Variants in MACROD2 observed in about 807,000 individuals in gnomAD.
The protein encoded by MACROD2 is mono-ADP ribosylhydrolase 2, also known as ADP-ribose glycohydrolase MACROD2.
A neutral mutation model predicts 70.4 loss-of-function variants in MACROD2; 36 were observed. That is an observed-to-expected ratio of 0.51 (90% confidence interval 0.39 to 0.68). The LOEUF is 0.68. Among genes scored for constraint, MACROD2 ranks in the 30% least tolerant of loss-of-function variants. The pLI, the probability that MACROD2 is intolerant of heterozygous loss-of-function variation, is 0.00. For synonymous variants in MACROD2, 172 were observed against 178.8 expected (o/e 0.96, Z 0.30); for missense variants, 496 against 538.4 (o/e 0.92, Z 0.78).
At chr20:14,043,503 T>C (rs150821258) in intron 2 of MACROD2, among the ~76,000 whole-genome samples, 6 of 152,348 alleles carry the variant, frequency 3.9e-5, no homozygotes, top group African/African-American at 1.2e-4. Flanking sequence ...GTCCTATTGC[T>C]ACTTTTATGG....
At chr20:14,382,654 G>T (rs921736154) in intron 3 of MACROD2, among the ~76,000 whole-genome samples, 3 of 149,190 alleles carry the variant, frequency 2.0e-5, no homozygotes, top group African/African-American at 7.3e-5. Context: ...GGCAAGAAGA[G>T]CAAAACTCCG....
At chr20:16,044,745 G>GCT in intron 17 of MACROD2, 106 bp downstream of exon 17, 2 of 978,582 alleles carry the variant, frequency 2.0e-6, no homozygotes, top group Non-Finnish European at 3.2e-6. Flanking sequence ...CCCACAGCAT[G>GCT]GCTTGGGATA....
chr20:15,051,607 C>G (rs442294), intron 5 of MACROD2, among the ~76,000 whole-genome samples: 27,929 of 151,972 alleles, frequency 0.18, 2,719 homozygotes, highest in African/African-American at 0.21. Flanking sequence ...CAAGTATAAT[C>G]TCCTCCACTT....
intron 6 of MACROD2, among the ~76,000 whole-genome samples, chr20:15,424,451 C>T (rs1227354011): frequency 2.6e-5 from 4 of 152,184 alleles, no homozygotes; most frequent in Admixed American, 6.5e-5. Flanking sequence ...AGCACAGTGG[C>T]TCATGCCTGG....
At chr20:16,041,344 A>C (rs918066579) in intron 16 of MACROD2, 66 bp downstream of exon 16, 7 of 1,290,738 alleles carry the variant, frequency 5.4e-6, no homozygotes, top group Non-Finnish European at 7.7e-6. Flanking sequence ...TGTGTAATCT[A>C]GGATTAAGGG....
At chr20:15,084,069 T>TTG (rs2075726934) in intron 5 of MACROD2, among the ~76,000 whole-genome samples, 2 of 77,366 alleles carry the variant, frequency 2.6e-5, no homozygotes, top group Admixed American at 1.6e-4. Context: ...GTTTTTTTTT[T>TTG]TTGTTTTTTT....
chr20:14,637,627 G>GTA (rs1167281978), intron 4 of MACROD2, among the ~76,000 whole-genome samples: 1 of 152,038 alleles, frequency 6.6e-6, no homozygotes, highest in East Asian at 1.9e-4. Context: ...ATCCCCTGTT[G>GTA]CTCACATTGT....
At chr20:15,555,842 AAAAAAAAAAAAAG>A (rs1313904270) in intron 8 of MACROD2, among the ~76,000 whole-genome samples, 2 of 147,172 alleles carry the variant, frequency 1.4e-5, no homozygotes, top group Non-Finnish European at 1.5e-5. Flanking sequence ...AAAAAAAAAA[AAAAAAAAAAAAAG>A]GAAAAGAAAA....
intron 5 of MACROD2, among the ~76,000 whole-genome samples, chr20:15,024,551 A>G (rs1050232596): frequency 6.6e-6 from 1 of 152,002 alleles, no homozygotes; most frequent in Non-Finnish European, 1.5e-5. Context: ...CATAATAAAA[A>G]ACATTTGTTA....
intron 3 of MACROD2, among the ~76,000 whole-genome samples, chr20:14,429,099 T>C (rs2083966683): frequency 6.6e-6 from 1 of 152,196 alleles, no homozygotes; most frequent in Non-Finnish European, 1.5e-5. Flanking sequence ...GAATTGAGGG[T>C]TCAGCTTAAC....
intron 8 of MACROD2, among the ~76,000 whole-genome samples, chr20:15,845,518 A>AG (rs1313759399): frequency 6.6e-6 from 1 of 152,108 alleles, no homozygotes; most frequent in Non-Finnish European, 1.5e-5. Flanking sequence ...CAGCATAGCA[A>AG]GGAATAATCT....
At chr20:15,353,854 G>T (rs2146229416) in intron 6 of MACROD2, among the ~76,000 whole-genome samples, 1 of 97,774 alleles carries the variant, frequency 1.0e-5, no homozygotes, top group Non-Finnish European at 2.1e-5. Context: ...GAAACAACAG[G>T]TGCTGGAGAG....
chr20:15,155,898 C>G (rs1411175033), intron 5 of MACROD2, among the ~76,000 whole-genome samples: 1 of 151,792 alleles, frequency 6.6e-6, no homozygotes, highest in Non-Finnish European at 1.5e-5. Context: ...TAGTGTGTCT[C>G]AGTTTTAATT....
chr20:14,286,408 A>G (rs1000187848), intron 3 of MACROD2, among the ~76,000 whole-genome samples: 9 of 152,136 alleles, frequency 5.9e-5, no homozygotes, highest in African/African-American at 2.2e-4. Flanking sequence ...TTTTTGTTAT[A>G]ATAGCTGGCT....
chr20:15,585,291 G>A (rs2048583154), intron 8 of MACROD2, among the ~76,000 whole-genome samples: 1 of 151,360 alleles, frequency 6.6e-6, no homozygotes, highest in Non-Finnish European at 1.5e-5. Flanking sequence ...TCCGCCTCCT[G>A]GGTTCAAGCA....
At chr20:15,182,722 T>C (rs747314163) in intron 5 of MACROD2, among the ~76,000 whole-genome samples, 5 of 152,204 alleles carry the variant, frequency 3.3e-5, no homozygotes, top group African/African-American at 9.6e-5. Flanking sequence ...TTGTGTAGGA[T>C]GGTTGATACT....
intron 15 of MACROD2, among the ~76,000 whole-genome samples, chr20:16,034,737 T>A (rs1305942856): frequency 6.6e-6 from 1 of 151,856 alleles, no homozygotes; most frequent in Non-Finnish European, 1.5e-5. Context: ...AGTGGTGATT[T>A]GTGAGATCCT....
intron 3 of MACROD2, among the ~76,000 whole-genome samples, chr20:14,188,834 A>G (rs570310084): frequency 1.3e-5 from 2 of 152,100 alleles, no homozygotes; most frequent in South Asian, 4.1e-4. Context: ...CACAGCCTAC[A>G]TTTTCATCTG....
intron 5 of MACROD2, among the ~76,000 whole-genome samples, chr20:15,133,971 C>T (rs2076126129): frequency 6.9e-6 from 1 of 145,764 alleles, no homozygotes; most frequent in African/African-American, 2.5e-5. Flanking sequence ...GCAGTGGTGC[C>T]ATCTCAGCTC....
Sources: allele counts gnomAD v4.1 joint callset (sites outside exome capture counted in the v4.1 genomes callset), GRCh38; gene constraint gnomAD v4.1.1; transcripts MANE v1.5; gene names NCBI Gene and HGNC (gene_info 2026-07-23, HGNC 2026-07-21).